The following DNAH9 variants were observed in gnomAD, a reference collection of about 807,000 sequenced individuals.
DNAH9 encodes dynein axonemal heavy chain 9, also known as DNAH9 variant protein.
In DNAH9, 345 loss-of-function variants were observed where a neutral mutation model predicts 471.6. The ratio of observed to expected loss-of-function variants is 0.73; its 90% CI spans 0.67 to 0.80. The LOEUF is 0.80. Among genes scored for constraint, DNAH9 ranks in the 30% least tolerant of loss-of-function variants. The pLI is 0.00. For synonymous variants in DNAH9, 2,093 were observed against 2,123.6 expected (o/e 0.99, Z 0.40); for missense variants, 5,407 against 5,609.2 (o/e 0.96, Z 1.15).
At chr17:11,907,458 GAA>G (rs58982882) in intron 61 of DNAH9, among the ~76,000 whole-genome samples, 4,799 of 142,658 alleles carry the variant, frequency 0.034, 249 homozygotes, top group African/African-American at 0.12. Flanking sequence ...CAACAAGAGT[GAA>G]AAAAAAAAAA....
At chr17:11,852,681 G>A (rs1020880040) in intron 49 of DNAH9, among the ~76,000 whole-genome samples, 1 of 151,568 alleles carries the variant, frequency 6.6e-6, no homozygotes, top group Non-Finnish European at 1.5e-5. Context: ...CAATGAGTTG[G>A]GAGGGTAGTG....
At chr17:11,814,101 TG>T (rs1187187843) in intron 45 of DNAH9, among the ~76,000 whole-genome samples, 1 of 152,210 alleles carries the variant, frequency 6.6e-6, no homozygotes, top group African/African-American at 2.4e-5. Flanking sequence ...CTTATTGACC[TG>T]CTATAATAAT....
chr17:11,627,193 A>G (rs946520573), intron 6 of DNAH9, among the ~76,000 whole-genome samples: 13 of 152,240 alleles, frequency 8.5e-5, no homozygotes, highest in Admixed American at 1.3e-4. Flanking sequence ...ACATAAAACA[A>G]TGTAAGTATC....
At chr17:11,908,619 G>A (rs1445082701) in intron 61 of DNAH9, among the ~76,000 whole-genome samples, 2 of 152,208 alleles carry the variant, frequency 1.3e-5, no homozygotes, top group East Asian at 1.9e-4. Context: ...CATACATAAT[G>A]GTATACTAAA....
chr17:11,636,698 AC>A lies in DNAH9; in HGVS notation c.1702del (p.Leu568TrpfsTer14). ...PLVARDTSDK[Y>X]LVLIQMFNKD... ...GTAGCGAGGGATACATCTGATAAAT[AC>A]CTGGTCCTCATCCAAATGTTCAACA... On this transcript the variant is annotated frameshift_variant, in exon 9 of 69. Transcript: ENST00000262442. LOFTEE classifies it high-confidence loss of function. 1.2e-6 allele frequency: 2 copies of A among 1,613,632 alleles called. No homozygotes were observed. The highest frequency in any genetic ancestry group is 1.7e-6 in the Non-Finnish European group (2 of 1,179,532).
At chr17:11,712,193 T>C (rs2074878584) in intron 26 of DNAH9, among the ~76,000 whole-genome samples, 1 of 143,136 alleles carries the variant, frequency 7.0e-6, no homozygotes, top group African/African-American at 2.6e-5. Context: ...ATAATATAAA[T>C]TTAAATTTAT....
chr17:11,613,953 A>C (rs1048850986), intron 4 of DNAH9, among the ~76,000 whole-genome samples: 1 of 152,228 alleles, frequency 6.6e-6, no homozygotes, highest in African/African-American at 2.4e-5. Context: ...TATAAGATTC[A>C]CTTCCCCAGG....
intron 61 of DNAH9, among the ~76,000 whole-genome samples, chr17:11,921,398 A>G (rs1350636113): frequency 6.6e-6 from 1 of 152,066 alleles, no homozygotes; most frequent in East Asian, 1.9e-4. Context: ...GAGAGACTAG[A>G]GGTCAGTGAC....
At chr17:11,601,538 A>G (rs1363750355) in intron 1 of DNAH9, among the ~76,000 whole-genome samples, 11 of 152,224 alleles carry the variant, frequency 7.2e-5, no homozygotes, top group Non-Finnish European at 1.3e-4. Context: ...AAACCTAAAT[A>G]AATAACTTAT....
chr17:11,611,905 T>A, intron 4 of DNAH9, 125 bp downstream of exon 4: 1 of 896,020 alleles, frequency 1.1e-6, no homozygotes, highest in Non-Finnish European at 1.8e-6. Flanking sequence ...CGACACAAAC[T>A]AGCATGGTGG....
chr17:11,911,715 C>T (rs1427491645), intron 61 of DNAH9, among the ~76,000 whole-genome samples: 1 of 152,106 alleles, frequency 6.6e-6, no homozygotes, highest in Non-Finnish European at 1.5e-5. Context: ...GATCAGTGAA[C>T]ATGGATTGTC....
chr17:11,698,182 T>TATTAATAATATTAATTATA (rs369729599), intron 22 of DNAH9, among the ~76,000 whole-genome samples: 1 of 120,350 alleles, frequency 8.3e-6, no homozygotes. Flanking sequence ...TAATATATTA[T>TATTAATAATATTAATTATA]TATATTAATA....
intron 38 of DNAH9, among the ~76,000 whole-genome samples, chr17:11,779,525 G>T (rs536624365): frequency 2.5e-4 from 38 of 152,240 alleles, no homozygotes; most frequent in Non-Finnish European, 5.1e-4. Context: ...GCCACTTCTT[G>T]CTAACTGACA....
chr17:11,954,989 A>T (rs1043697235), intron 67 of DNAH9, among the ~76,000 whole-genome samples: 1 of 152,216 alleles, frequency 6.6e-6, no homozygotes, highest in Non-Finnish European at 1.5e-5. Flanking sequence ...AAGCATATGT[A>T]AAACCAAAAT....
intron 67 of DNAH9, among the ~76,000 whole-genome samples, chr17:11,952,102 G>A (rs1975386003): frequency 6.7e-6 from 1 of 148,382 alleles, no homozygotes; most frequent in Non-Finnish European, 1.5e-5. Flanking sequence ...GTCTGGTAAT[G>A]TAAACTATTA....
chr17:11,823,063 C>T (rs368385445), intron 48 of DNAH9, 29 bp downstream of exon 48: 1 of 1,577,376 alleles, frequency 6.3e-7, no homozygotes, highest in Non-Finnish European at 8.6e-7. Flanking sequence ...CTTCCACCTG[C>T]AGGGGACTTG....
intron 27 of DNAH9, among the ~76,000 whole-genome samples, chr17:11,721,167 A>G (rs12947538): frequency 0.6 from 90,306 of 151,670 alleles, 28,649 homozygotes; most frequent in Admixed American, 0.75. Context: ...CACTATGGCC[A>G]TTTTACTCAA....
intron 28 of DNAH9, among the ~76,000 whole-genome samples, chr17:11,730,825 A>T (rs967547416): frequency 1.3e-4 from 19 of 151,988 alleles, no homozygotes; most frequent in African/African-American, 4.1e-4. Context: ...TATGCTAATG[A>T]TGGTGATGCT....
intron 12 of DNAH9, among the ~76,000 whole-genome samples, chr17:11,648,740 A>T (rs955093705): frequency 6.6e-6 from 1 of 152,108 alleles, no homozygotes; most frequent in Non-Finnish European, 1.5e-5. Flanking sequence ...ATGTGAGTTG[A>T]TGGGGGACAA....
Sources: gnomAD v4.1 joint callset for allele counts (sites outside exome capture counted in the v4.1 genomes callset) on GRCh38, gnomAD v4.1.1 for gene constraint, MANE v1.5 for transcripts, NCBI Gene and HGNC (gene_info 2026-07-23, HGNC 2026-07-21) for gene names.